NUDCD3: variants seen among roughly 807,000 people sequenced by gnomAD.
The protein encoded by NUDCD3 is NudC domain containing 3.
NUDCD3 carries 13 observed loss-of-function variants against 39.7 expected under a neutral mutation model. That is an observed-to-expected ratio of 0.33 (90% CI 0.21 to 0.52). The LOEUF (loss-of-function observed/expected upper bound fraction) is 0.52, where lower values mean the gene tolerates loss of function less well. NUDCD3 is among the 20% of genes least tolerant of loss of function. The probability of loss-of-function intolerance (pLI) is 0.96; values close to 1 mark genes in which losing one functional copy is unlikely to be tolerated. For synonymous variants in NUDCD3, 175 were observed against 172.4 expected (o/e 1.02, Z -0.12); for missense variants, 453 against 458.1 (o/e 0.99, Z 0.10).
In NUDCD3 at chr7:44,379,963, G is replaced by A. The variant is rs954437021; in HGVS notation, c.*6048C>T. 1 of 152,538 alleles carries A rather than the reference G, an allele frequency of 6.6e-6. No homozygotes were observed. The highest frequency in any genetic ancestry group is 6.5e-5 in the Admixed American group (1 of 15,276). 9.4% of individuals were successfully genotyped at this position (152,538 alleles called of 1,614,324 possible). ...AAGGTGATTCCTCTCTGAGCTGGAG[G>A]TGGAAGCAAATGGGAAAACGGTCTG... On this transcript the variant is annotated 3_prime_UTR_variant, in exon 6 of 6. Transcript: ENST00000355451.
chr7:44,390,041 T>C (rs963774838), intron 5 of NUDCD3, among the ~76,000 whole-genome samples: 6 of 152,302 alleles, frequency 3.9e-5, no homozygotes, highest in Non-Finnish European at 8.8e-5. Flanking sequence ...CAGAGCATCC[T>C]AGCTTCTCTC....
intron 2 of NUDCD3, among the ~76,000 whole-genome samples, chr7:44,453,622 T>A (rs1358514568): frequency 6.6e-6 from 1 of 152,132 alleles, no homozygotes; most frequent in Non-Finnish European, 1.5e-5. Flanking sequence ...GCACTTCTAC[T>A]CAGCAATCAC....
intron 2 of NUDCD3, among the ~76,000 whole-genome samples, chr7:44,446,942 C>A (rs1799700054): frequency 6.6e-6 from 1 of 152,334 alleles, no homozygotes; most frequent in Middle Eastern, 3.4e-3. Flanking sequence ...TGAGAATTCT[C>A]TGTAGTGAAT....
At chr7:44,469,599 A>C (rs955399767) in intron 2 of NUDCD3, among the ~76,000 whole-genome samples, 3 of 152,202 alleles carry the variant, frequency 2.0e-5, no homozygotes, top group Non-Finnish European at 2.9e-5. Flanking sequence ...TATTAATTAC[A>C]AAAAGGAACA....
In NUDCD3 at chr7:44,474,488, G is replaced by A. The variant is rs562147767; in HGVS notation, c.509+10480C>T. ...CCTGTAAAAAGGAAGCAGATCACTG[G>A]TTCTCAATTTTTGGAAATACACATT... On this transcript the variant is annotated intron_variant, in intron 2 of 5. Transcript: ENST00000355451. Among the ~76,000 whole-genome samples the A allele has an allele frequency of 9.9e-5, 15 of 152,224 alleles. 1 individual carries two copies. The South Asian group carries it at 2.9e-3, about 29-fold the overall frequency.
intron 2 of NUDCD3, among the ~76,000 whole-genome samples, chr7:44,445,168 T>C (rs923251137): frequency 3.9e-5 from 6 of 152,010 alleles, no homozygotes; most frequent in African/African-American, 1.2e-4. Flanking sequence ...GTGCTATCTC[T>C]ATATCTTCCG....
chr7:44,404,651 G>A, intron 3 of NUDCD3, 68 bp from the exon 4 acceptor site: 4 of 1,545,928 alleles, frequency 2.6e-6, no homozygotes, highest in Non-Finnish European at 3.5e-6. Context: ...TACGGTGGGA[G>A]TGGTGATGGT....
Position 44,418,396 on chromosome 7 carries a change from C to G in NUDCD3, c.642+9175G>C, listed in dbSNP as rs943671681. On this transcript the variant is annotated intron_variant, in intron 3 of 5. Coordinates refer to ENST00000355451, the MANE Select transcript of NUDCD3 (RefSeq NM_015332.4). ...TATGTATAGAGTAAGGAGGGTGGCA[C>G]AGAGGGAAAAGCATAAGGTTTAGAA... Among the ~76,000 whole-genome samples the G allele has an allele frequency of 3.3e-5, 5 of 152,320 alleles. No individual in the cohort carries two copies. In the South Asian group the frequency reaches 1.0e-3, roughly 32 times the overall value.
intron 2 of NUDCD3, among the ~76,000 whole-genome samples, chr7:44,456,742 C>G (rs1162322996): frequency 1.3e-5 from 2 of 148,246 alleles, no homozygotes; most frequent in Non-Finnish European, 3.0e-5. Flanking sequence ...CGTGATAGAG[C>G]AAGACCAATC....
At chr7:44,468,065 A>T (rs1158575701) in intron 2 of NUDCD3, 1 of 1,612,746 alleles carries the variant, frequency 6.2e-7, no homozygotes, top group Non-Finnish European at 8.5e-7. Flanking sequence ...CTTGATGCCC[A>T]ACATTGGTTA....
rs1563172069 is a variant in NUDCD3, at chr7:44,423,101, C to T, written c.642+4470G>A. On this transcript the variant is annotated intron_variant, in intron 3 of 5. Transcript: ENST00000355451. The stretch of plus-strand genomic sequence containing the variant: ...CAATAAAATTCAACACCCCTTCATG[C>T]TAAAAACTCTCAACAAACTAGGTAC... 2.6e-5 allele frequency among the ~76,000 whole-genome samples: 4 copies of T among 152,134 alleles called. No homozygotes were observed. In the East Asian group the frequency reaches 5.8e-4, roughly 22 times the overall value.
chr7:44,462,945 C>CTGTGTGTGTGTGTGTGTG (rs3138779), intron 2 of NUDCD3, among the ~76,000 whole-genome samples: 56 of 146,788 alleles, frequency 3.8e-4, no homozygotes, highest in African/African-American at 1.0e-3. Context: ...CACAACCAGG[C>CTGTGTGTGTGTGTGTGTG]TGTGTGTGTG....
At chr7:44,442,135 A>G (rs1799596661) in intron 2 of NUDCD3, among the ~76,000 whole-genome samples, 1 of 152,234 alleles carries the variant, frequency 6.6e-6, no homozygotes, top group African/African-American at 2.4e-5. Flanking sequence ...TGTTAGCTGC[A>G]GTCATCACTG....
chr7:44,467,692 C>G (rs1466221565), intron 2 of NUDCD3, among the ~76,000 whole-genome samples: 1 of 152,062 alleles, frequency 6.6e-6, no homozygotes. Context: ...CTTGCTGAAT[C>G]CAAGAACCAA....
At chr7:44,468,302 T>C in intron 2 of NUDCD3, 1 of 1,542,346 alleles carries the variant, frequency 6.5e-7, no homozygotes, top group Non-Finnish European at 8.7e-7. Flanking sequence ...AGAAAATGAG[T>C]AGACAGCTCG....
chr7:44,473,255 A>G (rs940159319), intron 2 of NUDCD3, among the ~76,000 whole-genome samples: 3 of 152,172 alleles, frequency 2.0e-5, no homozygotes, highest in African/African-American at 7.2e-5. Context: ...CAAGCATTTT[A>G]TTTTATTTTA....
At chr7:44,392,670 A>G (rs561027382) in intron 4 of NUDCD3, among the ~76,000 whole-genome samples, 185 bp from the exon 5 acceptor site, 1 of 152,212 alleles carries the variant, frequency 6.6e-6, no homozygotes, top group South Asian at 2.1e-4. Context: ...CTGGGAATGC[A>G]TTTGCTGCCT....
intron 2 of NUDCD3, among the ~76,000 whole-genome samples, chr7:44,429,028 A>G (rs1331466335): frequency 6.6e-6 from 1 of 152,262 alleles, no homozygotes; most frequent in Admixed American, 6.5e-5. Context: ...AGATGCACAT[A>G]CAAGACAAGG....
chr7:44,483,640 T>C (rs1800540488), intron 2 of NUDCD3, among the ~76,000 whole-genome samples: 1 of 152,200 alleles, frequency 6.6e-6, no homozygotes, highest in African/African-American at 2.4e-5. Context: ...CTCCATTAGT[T>C]AGCCTGGACT....
Sources: allele counts gnomAD v4.1 joint callset (sites outside exome capture counted in the v4.1 genomes callset), GRCh38; gene constraint gnomAD v4.1.1; transcripts MANE v1.5; gene names NCBI Gene and HGNC (gene_info 2026-07-23, HGNC 2026-07-21).